Variants in MZT2B observed in about 807,000 individuals in gnomAD.
The protein encoded by MZT2B is mitotic spindle organizing protein 2B.
In MZT2B, 11 loss-of-function variants were observed where a neutral mutation model predicts 12.1. The ratio of observed to expected loss-of-function variants is 0.91; its 90% CI spans 0.57 to 1.50. MZT2B has a LOEUF of 1.50. MZT2B is among the 40% of genes most tolerant of loss of function. MZT2B has a pLI of 0.00. For synonymous variants in MZT2B, 85 were observed against 109.5 expected (o/e 0.78, Z 1.40); for missense variants, 209 against 227.7 (o/e 0.92, Z 0.53).
chr2:130,190,381 C>T, intron 2 of MZT2B, 88 bp from the exon 3 acceptor site: 3 of 1,567,658 alleles, frequency 1.9e-6, no homozygotes, highest in Admixed American at 1.7e-5. Flanking sequence ...TGTGCAGACA[C>T]AAATGTTGCC....
chr2:130,183,883 GC>G (rs1558776596), intron 2 of MZT2B: 2 of 1,550,576 alleles, frequency 1.3e-6, no homozygotes, highest in Non-Finnish European at 1.7e-6. Context: ...CTGCTCCACA[GC>G]CCGGCTGCCA....
intron 2 of MZT2B, chr2:130,183,933 C>T (rs1689939943): frequency 6.4e-6 from 10 of 1,550,576 alleles, no homozygotes; most frequent in African/African-American, 2.7e-5. Flanking sequence ...GGGTTCCCTC[C>T]GCCTCTCTTG....
intron 2 of MZT2B, chr2:130,183,692 A>G (rs887929443): frequency 8.5e-5 from 132 of 1,547,458 alleles, no homozygotes; most frequent in Non-Finnish European, 1.0e-4. Context: ...GGGCACCCAC[A>G]CCCGCTGACC....
At chr2:130,191,917 C>T (rs766331053), downstream of MZT2B, 88 of 1,614,000 alleles carry the variant, frequency 5.5e-5, no homozygotes, top group Middle Eastern at 1.6e-4. Context: ...GCCAGGTCCT[C>T]GCGGGCCTCA....
the MZT2B span, among the ~76,000 whole-genome samples, chr2:130,203,729 T>A: frequency 0.062 from 8,263 of 132,962 alleles, no homozygotes; most frequent in African/African-American, 0.25. Context: ...GATGACAGGC[T>A]TGAGTGCCTG....
Position 130,182,442 on chromosome 2 carries a change from G to A in MZT2B, c.160G>A (p.Asp54Asn). The A allele has an allele frequency of 1.3e-6, 2 of 1,560,366 alleles. No individual in the cohort carries two copies. Among genetic ancestry groups the A allele is most frequent in the African/African-American group, 1.4e-5 (1 of 73,734 alleles). The change falls in exon 1 of 3, where the codon GAC becomes AAC. Residue 54 changes from aspartate (D) to asparagine (N), a missense_variant. Asp to Asn is a conservative substitution (Grantham distance 23). Transcript: ENST00000281871. ...GGCGGCGGGCGGCGCTATCGACCCC[G>A]ACGTGTTCAAGTGAGCGGGGCGGGT... ...AQAAGGAIDPDVFKILVDLLK... is the reference protein window; with the variant it reads ...AQAAGGAIDPNVFKILVDLLK...
chr2:130,187,699 G>T (rs1370754718), intron 2 of MZT2B, among the ~76,000 whole-genome samples: 2 of 152,148 alleles, frequency 1.3e-5, no homozygotes, highest in Non-Finnish European at 2.9e-5. Flanking sequence ...CCACTGCAAG[G>T]CACTGCAGGC....
At chr2:130,184,693 G>A (rs1689989915) in intron 2 of MZT2B, 3 of 985,444 alleles carry the variant, frequency 3.0e-6, no homozygotes, top group Non-Finnish European at 3.6e-6. Context: ...GAGCAATTGA[G>A]GGGCAAGTGT....
At chr2:130,184,189 G>A in intron 2 of MZT2B, 1 of 1,442,596 alleles carries the variant, frequency 6.9e-7, no homozygotes, top group Non-Finnish European at 9.1e-7. Context: ...CTGGGGACAG[G>A]ACCAACACCC....
At chr2:130,195,770 C>A in the MZT2B span, among the ~76,000 whole-genome samples, 1 of 152,238 alleles carries the variant, frequency 6.6e-6, no homozygotes, top group Non-Finnish European at 1.5e-5. Flanking sequence ...TACTTACCTT[C>A]TATGCCTAAG....
the MZT2B span, among the ~76,000 whole-genome samples, chr2:130,203,397 A>T: frequency 6.6e-6 from 1 of 152,068 alleles, no homozygotes; most frequent in Non-Finnish European, 1.5e-5. Context: ...AGCTTGCTCC[A>T]GGTCTCGTCA....
downstream of MZT2B, chr2:130,192,110 C>G (rs776584498): frequency 6.3e-7 from 1 of 1,597,266 alleles, no homozygotes; most frequent in South Asian, 1.1e-5. Flanking sequence ...CTGTGGGGGG[C>G]TGGTAGTTAA....
downstream of MZT2B, among the ~76,000 whole-genome samples, chr2:130,192,640 T>C (rs1690294474): frequency 6.6e-6 from 1 of 152,156 alleles, no homozygotes; most frequent in Non-Finnish European, 1.5e-5. Context: ...CAGGAAGTGG[T>C]CGAAGTGGTC....
chr2:130,190,633 G>A lies in MZT2B; in HGVS notation c.*7G>A, dbSNP rs1690231393. On this transcript the variant is annotated 3_prime_UTR_variant, in exon 3 of 3. Coordinates refer to ENST00000281871, the MANE Select transcript of MZT2B (RefSeq NM_025029.5). ...TACACGGGGCAGCACCTAGGATGGG[G>A]CAGAGACTTGTTGCATCTTTGTCCC... 1.3e-6 allele frequency: 2 copies of A among 1,594,832 alleles called. No homozygotes were observed. The highest frequency in any genetic ancestry group is 1.7e-6 in the Non-Finnish European group (2 of 1,165,454).
chr2:130,186,733 C>A (rs748932231), intron 2 of MZT2B, among the ~76,000 whole-genome samples: 1 of 152,154 alleles, frequency 6.6e-6, no homozygotes, highest in Non-Finnish European at 1.5e-5. Context: ...CACAGGGAGA[C>A]CCAATCTCTA....
the MZT2B span, among the ~76,000 whole-genome samples, chr2:130,204,785 T>C: frequency 7.2e-5 from 11 of 152,106 alleles, 1 homozygote; most frequent in Admixed American, 7.2e-4. Flanking sequence ...AAAACATCTT[T>C]GAAAACTTGG....
intron 2 of MZT2B, among the ~76,000 whole-genome samples, chr2:130,185,267 C>T (rs1690014016): frequency 6.7e-6 from 1 of 150,216 alleles, no homozygotes; most frequent in Non-Finnish European, 1.5e-5. Context: ...GCCGAGATCA[C>T]ACCACTGCAC....
At chr2:130,199,342 C>T in the MZT2B span, among the ~76,000 whole-genome samples, 2 of 121,630 alleles carry the variant, frequency 1.6e-5, 1 homozygote, top group Admixed American at 1.8e-4. Flanking sequence ...GTCAGGAGTT[C>T]GAGACCAGCC....
chr2:130,189,725 T>G (rs1260970431), intron 2 of MZT2B, among the ~76,000 whole-genome samples: 2 of 152,168 alleles, frequency 1.3e-5, no homozygotes, highest in African/African-American at 4.8e-5. Flanking sequence ...CTGGCCCAAG[T>G]GTGGTTGCAG....
Sources: allele counts gnomAD v4.1 joint callset (sites outside exome capture counted in the v4.1 genomes callset), GRCh38; gene constraint gnomAD v4.1.1; transcripts MANE v1.5; gene names NCBI Gene and HGNC (gene_info 2026-07-23, HGNC 2026-07-21).